PRR27: variants seen among roughly 807,000 people sequenced by gnomAD.
PRR27 encodes proline-rich protein 27.
In PRR27, 12 loss-of-function variants were observed where a neutral mutation model predicts 16.8. The observed-to-expected ratio is 0.71, with a 90% CI of 0.46 to 1.16. The LOEUF (loss-of-function observed/expected upper bound fraction) is 1.16, where lower values mean the gene tolerates loss of function less well. Ranked by LOEUF, PRR27 falls within the 50% of genes most tolerant of loss-of-function variation. PRR27 has a pLI of 0.00. For synonymous variants in PRR27, 100 were observed against 98.4 expected, an observed-to-expected ratio of 1.02 and a Z score of -0.10; for missense variants, 277 against 273.3, an observed-to-expected ratio of 1.01 and a Z score of -0.10.
chr4:70,158,367 A>T lies in PRR27; in HGVS notation c.115A>T (p.Asn39Tyr). Residue 39 changes from asparagine to tyrosine, a missense_variant, in exon 3 of 5, where the codon AAT (asparagine) becomes TAT (tyrosine). Asn to Tyr is a moderately radical substitution (Grantham distance 143). Transcript: ENST00000344526. The stretch of plus-strand genomic sequence containing the variant: ...TGGTCACCCACTTCATCCATCTCTG[A>T]ATATTCCTTATGGCATACGGAATTT... ...DDGHPLHPSLNIPYGIRNLPP... is the reference protein window; with the variant it reads ...DDGHPLHPSLYIPYGIRNLPP... 2.5e-6 allele frequency: 4 copies of T among 1,611,560 alleles called. No homozygotes were observed. In the South Asian group the frequency reaches 4.4e-5, roughly 18 times the overall value.
intron 1 of PRR27, chr4:70,154,902 A>G (rs1331406323): frequency 9.8e-6 from 5 of 507,742 alleles, no homozygotes; most frequent in African/African-American, 2.0e-5. Flanking sequence ...TTAGTGTAAC[A>G]TAAGTAGATG....
Position 70,164,416 on chromosome 4 carries a change from T to C in PRR27, c.*1755T>C, listed in dbSNP as rs1251209950. ...ATCCTACATTGGATCAGAATATTACTGTTATGTATAGCCATGAGGACATGG... is the reference window on the plus strand; with the variant it reads ...ATCCTACATTGGATCAGAATATTACCGTTATGTATAGCCATGAGGACATGG... On this transcript the variant is annotated 3_prime_UTR_variant, in exon 5 of 5. Coordinates refer to ENST00000344526, the MANE Select transcript of PRR27 (RefSeq NM_214711.4). 1 of 152,192 alleles carries C rather than the reference T, an allele frequency of 6.6e-6. No homozygotes were observed. Among genetic ancestry groups the C allele is most frequent in the Non-Finnish European group, 1.5e-5 (1 of 68,016 alleles). 9.4% of individuals were successfully genotyped at this position (152,192 alleles called of 1,614,324 possible).
In PRR27 at chr4:70,159,872, G is replaced by A. The variant is rs1333491533; in HGVS notation, c.648+972G>A. ...AGTGAATTTTGTGGTTTTTCACTCT[G>A]GCTGGTGGGATCAAGAACTTTTTCC... is the stretch of plus-strand genomic sequence containing the variant. On this transcript the variant is annotated intron_variant, in intron 3 of 4. Coordinates refer to ENST00000344526, the MANE Select transcript of PRR27 (RefSeq NM_214711.4). Among the ~76,000 whole-genome samples the A allele has an allele frequency of 2.6e-5, 4 of 152,194 alleles. No homozygotes were observed. The East Asian group carries it at 7.7e-4, about 29-fold the overall frequency.
chr4:70,166,541 T>C lies in PRR27; in HGVS notation c.*3880T>C, dbSNP rs1359274554. On this transcript the variant is annotated 3_prime_UTR_variant, in exon 5 of 5. Transcript: ENST00000344526. ...GTATGACACCAATAAGAACATTTTC[T>C]CTAACCATTTTGAATACGAATAACC... 1 of 152,104 alleles carries C rather than the reference T, an allele frequency of 6.6e-6. No individual in the cohort carries two copies. The highest frequency in any genetic ancestry group is 1.9e-4 in the East Asian group (1 of 5,196). 9.4% of individuals were successfully genotyped at this position (152,104 alleles called of 1,614,324 possible).
rs753256062 is a variant in PRR27, at chr4:70,154,365, G to C, written c.-11G>C. ...AAATTTATAGTGTTAATATTCATAGGGTCAATCAAAATGAAGCTTCTCCTT... is the reference window on the plus strand; with the variant it reads ...AAATTTATAGTGTTAATATTCATAGCGTCAATCAAAATGAAGCTTCTCCTT... On this transcript the variant is annotated 5_prime_UTR_variant, in exon 1 of 5. Coordinates refer to ENST00000344526, the MANE Select transcript of PRR27 (RefSeq NM_214711.4). 8.1e-6 allele frequency: 13 copies of C among 1,602,096 alleles called. No homozygotes were observed. The highest frequency in any genetic ancestry group is 9.4e-6 in the Non-Finnish European group (11 of 1,169,594).
chr4:70,158,663 A>T lies in PRR27; in HGVS notation c.411A>T (p.Ala137=), dbSNP rs746697770. The T allele has an allele frequency of 1.9e-6, 3 of 1,613,626 alleles. No homozygotes were observed. The South Asian group carries it at 3.3e-5, about 18-fold the overall frequency. Residue 137 remains alanine, a synonymous_variant, in exon 3 of 5, where the codon GCA becomes GCT. Transcript: ENST00000344526. The part of the protein sequence containing the change: ...PPIAAEPAAA[A]PLTATPVAAE... ...TTGCAGCTGAGCCTGCTGCAGCTGC[A>T]CCTCTTACAGCCACACCTGTAGCAG...
chr4:70,163,235 C>T lies in PRR27; in HGVS notation c.*574C>T, dbSNP rs1452346469. On this transcript the variant is annotated 3_prime_UTR_variant, in exon 5 of 5. Coordinates refer to ENST00000344526, the MANE Select transcript of PRR27 (RefSeq NM_214711.4). ...ACTTCAAAAAATATACCCCCAAATC[C>T]TAATACTTCTAACCTTCTCCACTGC... 1.3e-5 allele frequency: 2 copies of T among 151,974 alleles called. No homozygotes were observed. The highest frequency in any genetic ancestry group is 3.8e-4 in the East Asian group (2 of 5,198). 9.4% of individuals were successfully genotyped at this position (151,974 alleles called of 1,614,324 possible).
rs1728737184 is a variant in PRR27, at chr4:70,165,147, CTG to C, written c.*2488_*2489del. The C allele has an allele frequency of 5.3e-5, 8 of 152,194 alleles. No homozygotes were observed. The South Asian group carries it at 1.0e-3, about 20-fold the overall frequency. 9.4% of individuals were successfully genotyped at this position (152,194 alleles called of 1,614,324 possible). On this transcript the variant is annotated 3_prime_UTR_variant, in exon 5 of 5. Transcript: ENST00000344526. ...GGTAATTTCCACTGTGGAAAACAAACTGTTGTTAGTAAACAGGCATCAGCTTT... is the reference window on the plus strand; with the variant it reads ...GGTAATTTCCACTGTGGAAAACAAACTTGTTAGTAAACAGGCATCAGCTTT...
At chr4:70,157,400 A>G (rs538863312) in intron 2 of PRR27, among the ~76,000 whole-genome samples, 1 of 151,042 alleles carries the variant, frequency 6.6e-6, no homozygotes, top group Non-Finnish European at 1.5e-5. Context: ...ACCCTGAGGG[A>G]CAATCTACAT....
At chr4:70,161,841 C>T (rs552803553) in intron 4 of PRR27, among the ~76,000 whole-genome samples, 5 of 152,150 alleles carry the variant, frequency 3.3e-5, no homozygotes, top group Non-Finnish European at 5.9e-5. Context: ...GAACAAATAG[C>T]GAGTTCCTCC....
At chr4:70,154,607 A>G in intron 1 of PRR27, 181 bp downstream of exon 1, 1 of 828,198 alleles carries the variant, frequency 1.2e-6, no homozygotes, top group Admixed American at 2.4e-5. Flanking sequence ...AAAATAATAA[A>G]GTTGTAGTAT....
chr4:70,159,028 A>G (rs1728570717), intron 3 of PRR27, 128 bp downstream of exon 3: 4 of 802,108 alleles, frequency 5.0e-6, no homozygotes, highest in South Asian at 3.7e-5. Flanking sequence ...TTCAGATACA[A>G]TTGACATACC....
intron 3 of PRR27, among the ~76,000 whole-genome samples, chr4:70,159,479 A>G (rs1206856161): frequency 1.3e-5 from 2 of 152,184 alleles, no homozygotes; most frequent in Non-Finnish European, 2.9e-5. Flanking sequence ...ATGTCAAATA[A>G]AAGTGATTAG....
At position 70,154,325 on chromosome 4, in the gene PRR27, A is replaced by G; in HGVS notation, c.-51A>G. ...AATATAATTTAAAAATACATTGCGTATTTTCTAAAACAATAAATTTATAGT... is the reference window on the plus strand; with the variant it reads ...AATATAATTTAAAAATACATTGCGTGTTTTCTAAAACAATAAATTTATAGT... On this transcript the variant is annotated 5_prime_UTR_variant, in exon 1 of 5. Transcript: ENST00000344526. The G allele has an allele frequency of 7.2e-7, 1 of 1,393,754 alleles. No individual in the cohort carries two copies. Among genetic ancestry groups the G allele is most frequent in the South Asian group, 1.2e-5 (1 of 81,786 alleles). The allele number at this position is 1,393,754 out of a possible 1,614,324, so 86.3% of individuals were successfully genotyped here. A position where few individuals can be genotyped will look rare whatever the true frequency, so the allele number is the denominator to read the frequency against.
intron 3 of PRR27, among the ~76,000 whole-genome samples, chr4:70,160,530 T>C (rs1017905520): frequency 1.3e-5 from 2 of 150,832 alleles, no homozygotes; most frequent in South Asian, 2.1e-4. Flanking sequence ...AGGACAATCA[T>C]AGAGACCACC....
In PRR27 at chr4:70,154,636, C is replaced by A. The variant is rs1055682020; in HGVS notation, c.51+210C>A. The A allele has an allele frequency of 5.8e-6, 5 of 864,922 alleles. No individual in the cohort carries two copies. The Admixed American group carries it at 9.1e-5, about 16-fold the overall frequency. 53.6% of individuals were successfully genotyped at this position (864,922 alleles called of 1,614,324 possible). ...GTAGTATCTGAAAATAGATAAACAG[C>A]AAGGAAAGGAGGTAAGTTCATAAAT... On this transcript the variant is annotated intron_variant, in intron 1 of 4. Coordinates refer to ENST00000344526, the MANE Select transcript of PRR27 (RefSeq NM_214711.4).
chr4:70,158,880 C>T lies in PRR27; in HGVS notation c.628C>T (p.Pro210Ser), dbSNP rs775737945. The change falls in exon 3 of 5, where the codon CCT becomes TCT. Residue 210 changes from proline to serine, a missense_variant. Pro to Ser is a moderately conservative substitution (Grantham distance 74, BLOSUM62 -1). Coordinates refer to ENST00000344526, the MANE Select transcript of PRR27 (RefSeq NM_214711.4). ...CAAGCCTGCTGCCCCAGAACCTCACCCTTCTCCCTCTCTTGAACAGGTAGG... is the reference window on the plus strand; with the variant it reads ...CAAGCCTGCTGCCCCAGAACCTCACTCTTCTCCCTCTCTTGAACAGGTAGG... The part of the protein sequence containing the change: ...TAKPAAPEPH[P>S]SPSLEQANQ The T allele has an allele frequency of 1.9e-6, 3 of 1,613,908 alleles. No homozygotes were observed. The highest frequency in any genetic ancestry group is 2.5e-6 in the Non-Finnish European group (3 of 1,179,906).
At chr4:70,154,808 A>G (rs950123826) in intron 1 of PRR27, 31 of 1,280,346 alleles carry the variant, frequency 2.4e-5, no homozygotes, top group Non-Finnish European at 3.0e-5. Flanking sequence ...ATGTACAGAC[A>G]TTAGGGATAC....
chr4:70,161,436 C>G, intron 3 of PRR27, 150 bp from the exon 4 acceptor site: 1 of 434,990 alleles, frequency 2.3e-6, no homozygotes, highest in Middle Eastern at 3.2e-4. Flanking sequence ...AATCTAGTAG[C>G]AGTATAGAAT....
Sources: allele counts gnomAD v4.1 joint callset (sites outside exome capture counted in the v4.1 genomes callset), GRCh38; gene constraint gnomAD v4.1.1; transcripts MANE v1.5; gene names NCBI Gene and HGNC (gene_info 2026-07-23, HGNC 2026-07-21).